Variants in MMEL1 observed in about 807,000 individuals in gnomAD.
MMEL1 encodes the protein membrane metallo-endopeptidase-like 1.
MMEL1 carries 98 observed loss-of-function variants against 117.1 expected under a neutral mutation model. That is an observed-to-expected ratio of 0.84 (90% CI 0.71 to 0.99). The LOEUF (loss-of-function observed/expected upper bound fraction) is 0.99. Ranked by LOEUF, MMEL1 falls within the 50% of genes least tolerant of loss-of-function variation. The pLI is 0.00. For synonymous variants in MMEL1, 390 were observed against 415.1 expected (o/e 0.94, Z 0.74); for missense variants, 1,014 against 1,049.1 (o/e 0.97, Z 0.46).
rs867377344 is a variant in MMEL1, at chr1:2,595,713, C to T, written c.1500+296G>A. Among the ~76,000 whole-genome samples the T allele has an allele frequency of 6.6e-6, 1 of 152,096 alleles. No individual in the cohort carries two copies. Among genetic ancestry groups the T allele is most frequent in the South Asian group, 2.1e-4 (1 of 4,822 alleles). On this transcript the variant is annotated intron_variant, in intron 15 of 23. Transcript: ENST00000378412. The surrounding 1 kb of genome is among the most constrained non-coding windows in gnomAD (Gnocchi z 4.8). ...GTCTGACCCTTGCTCCCGAGGCCAC[C>T]GCTACCCCCGCTGGCTCATGGGGGG...
intron 2 of MMEL1, among the ~76,000 whole-genome samples, chr1:2,623,854 T>C (rs1645328053): frequency 6.6e-6 from 1 of 152,140 alleles, no homozygotes. Context: ...GAGGCAGGTG[T>C]AACCCCTCTC....
rs1219264461 is a variant in MMEL1 at position 2,592,424 on chromosome 1, G to GC, written c.2067+230dup. Reference sequence around the variant, plus strand: ...ATGCCCCCTCCCCTGATGCACTGGCGCCCCCTCCCCTGCCATGCTGACGCC... The same window carrying GC: ...ATGCCCCCTCCCCTGATGCACTGGCGCCCCCCTCCCCTGCCATGCTGACGCC... On this transcript the variant is annotated intron_variant, in intron 21 of 23. Coordinates refer to ENST00000378412, the MANE Select transcript of MMEL1 (RefSeq NM_033467.4). Among the ~76,000 whole-genome samples, 12 of 20,032 alleles carry GC rather than the reference G, an allele frequency of 6.0e-4. No individual in the cohort carries two copies. In the African/African-American group the frequency reaches 6.6e-3, roughly 11 times the overall value. 13.1% of individuals were successfully genotyped at this position (20,032 alleles called of 152,430 possible). A position where few individuals can be genotyped will look rare whatever the true frequency, so the allele number is the denominator to read the frequency against.
chr1:2,619,565 T>C (rs1448439423), intron 2 of MMEL1, among the ~76,000 whole-genome samples: 1 of 149,564 alleles, frequency 6.7e-6, no homozygotes, highest in Non-Finnish European at 1.5e-5. Flanking sequence ...GGCTGAGGCA[T>C]GAGAATCACT....
At chr1:2,617,871 G>T (rs1645229263) in intron 2 of MMEL1, among the ~76,000 whole-genome samples, 1 of 152,214 alleles carries the variant, frequency 6.6e-6, no homozygotes, top group African/African-American at 2.4e-5. Flanking sequence ...TCCAAAAGGA[G>T]ATTTTTCTTT....
chr1:2,614,853 G>A (rs552249412), intron 2 of MMEL1, among the ~76,000 whole-genome samples: 1 of 151,250 alleles, frequency 6.6e-6, no homozygotes, highest in Non-Finnish European at 1.5e-5. Flanking sequence ...GGAAACATAC[G>A]AGATGAGCTT....
At position 2,612,014 on chromosome 1, in the gene MMEL1, G is replaced by A. The variant is rs1235314896; in HGVS notation, c.232+113C>T. ...TGTCCTCTCCCCATGGCCCTCCTCCGGCACATGAGGGTTGGGCAGAACCCA... is the reference window on the plus strand; with the variant it reads ...TGTCCTCTCCCCATGGCCCTCCTCCAGCACATGAGGGTTGGGCAGAACCCA... On this transcript the variant is annotated intron_variant, in intron 3 of 23. Coordinates refer to ENST00000378412, the MANE Select transcript of MMEL1 (RefSeq NM_033467.4). This position sits in a 1 kb window ranked among gnomAD's most constrained non-coding sequence, Gnocchi z 5.4. The A allele has an allele frequency of 8.7e-6, 8 of 917,818 alleles. No individual in the cohort carries two copies. The Admixed American group carries it at 1.5e-4, about 17-fold the overall frequency. 56.9% of individuals were successfully genotyped at this position (917,818 alleles called of 1,614,324 possible).
At chr1:2,593,188 T>C (rs1431724505) in intron 19 of MMEL1, among the ~76,000 whole-genome samples, 1 of 152,174 alleles carries the variant, frequency 6.6e-6, no homozygotes, top group Non-Finnish European at 1.5e-5. Context: ...TTCAGTGGTC[T>C]CCCATGCCAC....
At chr1:2,628,883 G>C (rs889165389) in intron 2 of MMEL1, among the ~76,000 whole-genome samples, 1 of 152,010 alleles carries the variant, frequency 6.6e-6, no homozygotes, top group Non-Finnish European at 1.5e-5. Context: ...CAGGATGGCA[G>C]CGGGGGAGTG....
intron 11 of MMEL1, 122 bp from the exon 12 acceptor site, chr1:2,598,912 A>G (rs1644889129): frequency 2.5e-6 from 2 of 789,072 alleles, no homozygotes; most frequent in Non-Finnish European, 3.9e-6. Flanking sequence ...AGTGCAGGTA[A>G]TCAGAATCAG....
intron 2 of MMEL1, among the ~76,000 whole-genome samples, chr1:2,617,426 CAAAAAAA>C (rs35881431): frequency 1.8e-5 from 1 of 56,150 alleles, no homozygotes; most frequent in Non-Finnish European, 3.3e-5. Flanking sequence ...GACTCCGTCT[CAAAAAAA>C]AAAAAAAAAA....
intron 2 of MMEL1, among the ~76,000 whole-genome samples, chr1:2,619,504 A>G (rs1645256835): frequency 6.6e-6 from 1 of 152,048 alleles, no homozygotes; most frequent in Admixed American, 6.6e-5. Context: ...CTAAAATTAC[A>G]AAAATTAGCC....
At chr1:2,624,520 A>T (rs965258433) in intron 2 of MMEL1, among the ~76,000 whole-genome samples, 3 of 152,238 alleles carry the variant, frequency 2.0e-5, no homozygotes, top group African/African-American at 7.2e-5. Context: ...CAAATGGTGC[A>T]ATGTATTATT....
Position 2,603,878 on chromosome 1 carries a change from C to G in MMEL1, c.1041+6G>C. The G allele has an allele frequency of 6.2e-7, 1 of 1,613,312 alleles. No homozygotes were observed. The highest frequency in any genetic ancestry group is 8.5e-7 in the Non-Finnish European group (1 of 1,179,806). On this transcript the variant is annotated splice_donor_region_variant and intron_variant, in intron 11 of 23. Transcript: ENST00000378412. ...AGTGCCGGCCTCCTGTGTGGTGTGG[C>G]CTCACCTTCAGGCCAAACTGGCTTT...
chr1:2,594,965 G>A, intron 16 of MMEL1, 72 bp from the exon 17 acceptor site: 1 of 1,352,028 alleles, frequency 7.4e-7, no homozygotes, highest in Non-Finnish European at 1.0e-6. Context: ...GAGGTCCTGG[G>A]TGGTTGGGGA....
chr1:2,605,882 CG>C (rs1431649429), intron 8 of MMEL1, among the ~76,000 whole-genome samples: 1 of 152,138 alleles, frequency 6.6e-6, no homozygotes, highest in Non-Finnish European at 1.5e-5. Context: ...GCAGCACCCG[CG>C]GCTCCCCCAG....
intron 4 of MMEL1, 144 bp downstream of exon 4, chr1:2,611,137 C>T (rs369015004): frequency 3.9e-6 from 3 of 762,864 alleles, no homozygotes; most frequent in South Asian, 1.8e-5. Context: ...CGCTCCACAG[C>T]GAGTCCGAGT....
At chr1:2,613,302 C>T (rs1452716149) in intron 2 of MMEL1, among the ~76,000 whole-genome samples, 15 of 152,170 alleles carry the variant, frequency 9.9e-5, no homozygotes, top group Admixed American at 2.0e-4. Flanking sequence ...TGAGTGCGAG[C>T]GGAAGGCATG....
At chr1:2,629,907 G>A (rs2100970921) in intron 1 of MMEL1, 1 of 163,218 alleles carries the variant, frequency 6.1e-6, no homozygotes, top group Non-Finnish European at 1.3e-5. Context: ...GGCCACTTGG[G>A]CTTCTGGGCT....
intron 4 of MMEL1, 71 bp from the exon 5 acceptor site, chr1:2,609,902 C>A: frequency 6.6e-7 from 1 of 1,513,124 alleles, no homozygotes; most frequent in South Asian, 1.3e-5. Context: ...AGAAGCCTGT[C>A]TCCCGGTCCA....
Sources: allele counts gnomAD v4.1 joint callset (sites outside exome capture counted in the v4.1 genomes callset), GRCh38; gene constraint gnomAD v4.1.1; non-coding constraint Gnocchi (gnomAD v3.1); transcripts MANE v1.5; gene names NCBI Gene and HGNC (gene_info 2026-07-23, HGNC 2026-07-21).